The following LRRC49 variants were observed in gnomAD, a reference collection of about 807,000 sequenced individuals.
LRRC49 encodes leucine-rich repeat-containing protein 49.
A neutral mutation model predicts 83.3 loss-of-function variants in LRRC49; 50 were observed. The observed-to-expected ratio is 0.60, with a 90% CI of 0.48 to 0.76. The LOEUF is 0.76. Among genes scored for constraint, LRRC49 ranks in the 30% least tolerant of loss-of-function variants. The pLI is 0.00. For synonymous variants in LRRC49, 286 were observed against 283.3 expected, an observed-to-expected ratio of 1.01 and a Z score of -0.10; for missense variants, 704 against 809.1, an observed-to-expected ratio of 0.87 and a Z score of 1.58.
intron 9 of LRRC49, among the ~76,000 whole-genome samples, chr15:70,967,437 G>A (rs1162905281): frequency 6.6e-6 from 1 of 152,054 alleles, no homozygotes; most frequent in Non-Finnish European, 1.5e-5. Context: ...ATTAATCAGA[G>A]TAAGAGTCTG....
At chr15:70,861,907 A>G (rs1000935756) in intron 1 of LRRC49, among the ~76,000 whole-genome samples, 2 of 152,188 alleles carry the variant, frequency 1.3e-5, no homozygotes, top group African/African-American at 4.8e-5. Flanking sequence ...CCTGGGTGAC[A>G]GAGTGAGACT....
intron 8 of LRRC49, among the ~76,000 whole-genome samples, chr15:70,949,555 C>T (rs1266805817): frequency 6.6e-6 from 1 of 152,086 alleles, no homozygotes; most frequent in African/African-American, 2.4e-5. Context: ...GGGATTCCTT[C>T]TAGGAACCCA....
At chr15:70,989,341 CT>C (rs200091729) in intron 11 of LRRC49, among the ~76,000 whole-genome samples, 1 of 151,700 alleles carries the variant, frequency 6.6e-6, no homozygotes, top group Non-Finnish European at 1.5e-5. Context: ...CGTTTCTATT[CT>C]TTTTTTTCTA....
At chr15:71,034,657 A>G (rs999023644) in intron 14 of LRRC49, among the ~76,000 whole-genome samples, 1 of 152,240 alleles carries the variant, frequency 6.6e-6, no homozygotes, top group Non-Finnish European at 1.5e-5. Flanking sequence ...GACTGGATAA[A>G]GAAATTGTGG....
intron 1 of LRRC49, among the ~76,000 whole-genome samples, chr15:70,855,339 A>G (rs1024736010): frequency 2.0e-5 from 3 of 148,768 alleles, no homozygotes; most frequent in Admixed American, 7.9e-5. Context: ...CGTCTCAAAA[A>G]AAAAAAAAAG....
chr15:70,970,205 C>T (rs576190449), intron 9 of LRRC49, among the ~76,000 whole-genome samples: 27 of 152,188 alleles, frequency 1.8e-4, no homozygotes, highest in South Asian at 8.3e-4. Context: ...GAATTTTTAT[C>T]GAAGGCCTTT....
At chr15:71,046,157 A>G (rs923994658) in intron 15 of LRRC49, among the ~76,000 whole-genome samples, 2 of 152,220 alleles carry the variant, frequency 1.3e-5, no homozygotes, top group African/African-American at 2.4e-5. Flanking sequence ...AGCAATGAAC[A>G]TATGAGCGCA....
chr15:70,986,935 A>G (rs1461045433), intron 11 of LRRC49, among the ~76,000 whole-genome samples: 6 of 152,266 alleles, frequency 3.9e-5, no homozygotes, highest in Non-Finnish European at 4.4e-5. Flanking sequence ...GCTGGATTAC[A>G]TTTATTGATT....
At chr15:71,020,403 C>T (rs1237166837) in intron 14 of LRRC49, among the ~76,000 whole-genome samples, 1 of 152,124 alleles carries the variant, frequency 6.6e-6, no homozygotes, top group East Asian at 1.9e-4. Context: ...AGGGTAGAGT[C>T]AGTATTAAAA....
chr15:70,986,123 T>G (rs1403538636), intron 11 of LRRC49, among the ~76,000 whole-genome samples: 3 of 150,118 alleles, frequency 2.0e-5, no homozygotes, highest in East Asian at 3.9e-4. Flanking sequence ...GTGGGCTCTT[T>G]TTTGGTTCCA....
chr15:70,871,146 G>C (rs1359302952), intron 1 of LRRC49, among the ~76,000 whole-genome samples: 1 of 151,384 alleles, frequency 6.6e-6, no homozygotes, highest in African/African-American at 2.4e-5. Flanking sequence ...TTAGGGAGTG[G>C]TGATGACTCT....
chr15:70,892,191 C>T (rs757102575), upstream of LRRC49: 21 of 1,608,556 alleles, frequency 1.3e-5, no homozygotes, highest in African/African-American at 2.8e-4. Flanking sequence ...AGCCGCACGG[C>T]CCGGTCCTTG....
At chr15:70,977,745 A>G (rs1206584841) in intron 9 of LRRC49, among the ~76,000 whole-genome samples, 6 of 152,144 alleles carry the variant, frequency 3.9e-5, no homozygotes, top group Admixed American at 3.3e-4. Context: ...CCTTTAAAAC[A>G]ACTAAATCAT....
At chr15:71,043,092 C>T (rs2141307003) in intron 15 of LRRC49, among the ~76,000 whole-genome samples, 1 of 152,272 alleles carries the variant, frequency 6.6e-6, no homozygotes, top group Middle Eastern at 3.4e-3. Context: ...ATGTGCATGC[C>T]ATCTCCCAAC....
chr15:70,936,810 A>G lies in LRRC49; in HGVS notation c.761A>G (p.Asn254Ser). The G allele has an allele frequency of 6.2e-7, 1 of 1,608,824 alleles. No individual in the cohort carries two copies. The highest frequency in any genetic ancestry group is 8.5e-7 in the Non-Finnish European group (1 of 1,175,528). ...PCLQHLFLSF[N>S]NISSFDSVSC... ...CTCCAACATCTCTTTCTCAGCTTTA[A>G]CAATATATCTAGGTAAGTGGAAACT... The change falls in exon 8 of 16, where the codon AAC becomes AGC. Residue 254 changes from asparagine (N) to serine (S), a missense_variant. Transcript: ENST00000260382.
chr15:70,866,697 G>A (rs2032921642), intron 1 of LRRC49, among the ~76,000 whole-genome samples: 1 of 152,088 alleles, frequency 6.6e-6, no homozygotes, highest in South Asian at 2.1e-4. Context: ...CTGGGAATCT[G>A]GAGATACTTA....
At chr15:70,946,175 A>G (rs936178468) in intron 8 of LRRC49, among the ~76,000 whole-genome samples, 9 of 152,152 alleles carry the variant, frequency 5.9e-5, no homozygotes, top group African/African-American at 2.2e-4. Context: ...ATTAAATATA[A>G]TCACCATGTT....
chr15:71,027,136 G>A (rs2039197968), intron 14 of LRRC49, among the ~76,000 whole-genome samples: 1 of 152,088 alleles, frequency 6.6e-6, no homozygotes, highest in Non-Finnish European at 1.5e-5. Flanking sequence ...GTAAGGAAGG[G>A]GTCCAGTTTC....
intron 10 of LRRC49, among the ~76,000 whole-genome samples, chr15:70,983,416 G>A (rs750965502): frequency 3.9e-5 from 6 of 152,056 alleles, no homozygotes; most frequent in African/African-American, 1.4e-4. Context: ...TAAGCTCCAG[G>A]TGATTTGAGG....
Sources: allele counts gnomAD v4.1 joint callset (sites outside exome capture counted in the v4.1 genomes callset), GRCh38; gene constraint gnomAD v4.1.1; transcripts MANE v1.5; gene names NCBI Gene and HGNC (gene_info 2026-07-23, HGNC 2026-07-21).